STK26: variants seen among roughly 807,000 people sequenced by gnomAD.
STK26 encodes serine/threonine kinase 26, also known as serine/threonine-protein kinase 26.
STK26 carries 14 observed loss-of-function variants against 34.7 expected under a neutral mutation model. That is an observed-to-expected ratio of 0.40 (90% CI 0.27 to 0.63). The LOEUF is 0.63. STK26 is among the 30% of genes least tolerant of loss of function. STK26 has a pLI of 0.38. For missense variants in STK26, 226 were observed against 309.1 expected, an observed-to-expected ratio of 0.73 and a Z score of 2.02; for synonymous variants, 100 against 109.8, an observed-to-expected ratio of 0.91 and a Z score of 0.56.
chrX:132,032,337 T>G (rs1011884017), intron 2 of STK26, among the ~76,000 whole-genome samples: 32 of 112,483 alleles, frequency 2.8e-4, no homozygotes, highest in African/African-American at 1.0e-3. Context: ...GTAGATTGCT[T>G]AGATGAAAGA....
At chrX:132,028,871 T>C (rs1300339486) in intron 2 of STK26, among the ~76,000 whole-genome samples, 1 of 112,040 alleles carries the variant, frequency 8.9e-6, no homozygotes, top group Non-Finnish European at 1.9e-5. Flanking sequence ...CTTACCTCCC[T>C]TACACCTCCC....
chrX:132,060,446 G>A (rs1927008914), intron 3 of STK26, among the ~76,000 whole-genome samples: 1 of 111,145 alleles, frequency 9.0e-6, no homozygotes, highest in South Asian at 3.8e-4. Flanking sequence ...GTCACTTCCA[G>A]TTTTATAAAG....
chrX:132,023,459 G>T, intron 1 of STK26, 49 bp from the exon 2 acceptor site: 1 of 683,466 alleles, frequency 1.5e-6, no homozygotes, highest in Non-Finnish European at 2.3e-6. Context: ...TCCTAGCCCC[G>T]GGCTACGCGC....
intron 4 of STK26, among the ~76,000 whole-genome samples, chrX:132,064,903 T>G (rs1927169521): frequency 8.9e-6 from 1 of 111,956 alleles, no homozygotes; most frequent in Admixed American, 9.5e-5. Flanking sequence ...TAACCTTGAC[T>G]GCCAGTAACT....
At chrX:132,032,052 C>T (rs1452028989) in intron 2 of STK26, among the ~76,000 whole-genome samples, 3 of 111,325 alleles carry the variant, frequency 2.7e-5, no homozygotes, top group Non-Finnish European at 5.7e-5. Flanking sequence ...CCTGCCTCTC[C>T]CCACCACCCC....
intron 2 of STK26, among the ~76,000 whole-genome samples, chrX:132,052,761 C>T: frequency 8.9e-6 from 1 of 112,143 alleles, no homozygotes; most frequent in African/African-American, 3.2e-5. Flanking sequence ...AATACATACA[C>T]TTCCCAGAAT....
chrX:132,023,735 G>A (rs1935037006), intron 2 of STK26, 76 bp downstream of exon 2: 2 of 1,107,265 alleles, frequency 1.8e-6, no homozygotes, highest in Non-Finnish European at 2.4e-6. Flanking sequence ...CTGGGCACCG[G>A]CGACAAGGGA....
intron 2 of STK26, among the ~76,000 whole-genome samples, chrX:132,041,360 G>A (rs969907961): frequency 2.7e-5 from 3 of 111,532 alleles, no homozygotes; most frequent in African/African-American, 6.5e-5. Context: ...CTAAGGTTGC[G>A]TTTTCCAAAA....
chrX:132,063,000 A>G (rs755617698), intron 3 of STK26, among the ~76,000 whole-genome samples: 2 of 111,311 alleles, frequency 1.8e-5, no homozygotes, highest in South Asian at 7.6e-4. Flanking sequence ...AGGTGTAAAT[A>G]TTTATGGGGG....
intron 3 of STK26, among the ~76,000 whole-genome samples, chrX:132,059,895 T>TACATA (rs1926991639): frequency 1.8e-5 from 2 of 112,212 alleles, no homozygotes; most frequent in Non-Finnish European, 3.8e-5. Flanking sequence ...CCAGTTTATG[T>TACATA]ATGCTCAATG....
intron 3 of STK26, among the ~76,000 whole-genome samples, chrX:132,055,154 C>T (rs1926813362): frequency 8.9e-6 from 1 of 111,899 alleles, no homozygotes; most frequent in Admixed American, 9.5e-5. Context: ...AAGAGCTATC[C>T]CCCTGGGTTT....
At chrX:132,073,672 G>A (rs965621495) in intron 11 of STK26, among the ~76,000 whole-genome samples, 1 of 112,104 alleles carries the variant, frequency 8.9e-6, no homozygotes, top group Non-Finnish European at 1.9e-5. Flanking sequence ...ACTTTTGTAT[G>A]CATGCACACA....
intron 2 of STK26, among the ~76,000 whole-genome samples, chrX:132,041,672 G>A (rs1440789944): frequency 9.1e-6 from 1 of 110,329 alleles, no homozygotes; most frequent in East Asian, 2.8e-4. Context: ...AAAGCCAAGT[G>A]TTTCATAAGG....
intron 4 of STK26, among the ~76,000 whole-genome samples, chrX:132,065,621 A>G (rs1298913787): frequency 1.8e-5 from 2 of 112,412 alleles, no homozygotes; most frequent in East Asian, 5.6e-4. Context: ...AATAAAACAA[A>G]TAGCCATTAA....
intron 2 of STK26, among the ~76,000 whole-genome samples, chrX:132,027,624 T>C (rs1935127334): frequency 9.0e-6 from 1 of 111,521 alleles, no homozygotes; most frequent in Admixed American, 9.5e-5. Context: ...AGAATTCCTC[T>C]AGAAAAATGA....
intron 4 of STK26, among the ~76,000 whole-genome samples, chrX:132,067,798 G>A (rs1927270325): frequency 9.0e-6 from 1 of 111,384 alleles, no homozygotes; most frequent in Non-Finnish European, 1.9e-5. Flanking sequence ...AATCAGTTTC[G>A]TGTCAATATG....
intron 2 of STK26, 129 bp from the exon 3 acceptor site, chrX:132,054,502 G>A: frequency 1.9e-6 from 1 of 529,955 alleles, no homozygotes; most frequent in Non-Finnish European, 3.0e-6. Context: ...GCACATGTGG[G>A]GAGTCAGAGG....
At chrX:132,025,717 A>G (rs1335295228) in intron 2 of STK26, among the ~76,000 whole-genome samples, 1 of 94,635 alleles carries the variant, frequency 1.1e-5, no homozygotes, top group Non-Finnish European at 2.1e-5. Context: ...TCTTATTTCC[A>G]TTTTATTTCT....
intron 2 of STK26, among the ~76,000 whole-genome samples, chrX:132,049,951 G>C (rs1215008799): frequency 9.0e-6 from 1 of 111,306 alleles, no homozygotes; most frequent in Non-Finnish European, 1.9e-5. Context: ...ATCCTTCCAG[G>C]TCAAATCCTG....
Sources: allele counts gnomAD v4.1 joint callset (sites outside exome capture counted in the v4.1 genomes callset), GRCh38; gene constraint gnomAD v4.1.1; transcripts MANE v1.5; gene names NCBI Gene and HGNC (gene_info 2026-07-23, HGNC 2026-07-21).